ATG4C: variants seen among roughly 807,000 people sequenced by gnomAD.
ATG4C encodes the protein autophagy related 4C cysteine peptidase, also known as cysteine protease ATG4C.
Under a neutral mutation model 57.6 loss-of-function variants are expected in ATG4C, and 56 were observed. The ratio of observed to expected loss-of-function variants is 0.97; its 90% confidence interval spans 0.78 to 1.21. The LOEUF (loss-of-function observed/expected upper bound fraction) is 1.21, where lower values mean the gene tolerates loss of function less well. Among genes scored for constraint, ATG4C ranks in the 50% most tolerant of loss-of-function variants. The pLI, the probability that ATG4C is intolerant of heterozygous loss-of-function variation, is 0.00. For synonymous variants in ATG4C, 157 were observed against 174.1 expected, an observed-to-expected ratio of 0.90 and a Z score of 0.78; for missense variants, 595 against 529.8, an observed-to-expected ratio of 1.12 and a Z score of -1.21.
In ATG4C at chr1:62,831,288, G is replaced by A. The variant is rs114712561; in HGVS notation, c.933+2112G>A. Among the ~76,000 whole-genome samples the A allele has an allele frequency of 5.6e-3, 848 of 152,262 alleles. 6 individuals carry two copies. The highest frequency in any genetic ancestry group is 0.02 in the African/African-American group (817 of 41,568). ...GAGCATGTAAAGAGGTATTCACTTA[G>A]AAGTGAAAAGGTAGTGTGTTCATTA... On this transcript the variant is annotated intron_variant, in intron 7 of 10. Coordinates refer to ENST00000317868, the MANE Select transcript of ATG4C (RefSeq NM_032852.4).
intron 7 of ATG4C, 61 bp from the exon 8 acceptor site, chr1:62,833,977 G>C: frequency 4.2e-6 from 6 of 1,424,684 alleles, no homozygotes; most frequent in Non-Finnish European, 5.8e-6. Context: ...ATAGAAATTT[G>C]TTTGCTTTGA....
Position 62,829,167 on chromosome 1 carries a change from AT to A in ATG4C, c.927del (p.Phe309LeufsTer2). 1 of 1,612,580 alleles carries A rather than the reference AT, an allele frequency of 6.2e-7. No homozygotes were observed. Among genetic ancestry groups the A allele is most frequent in the Non-Finnish European group, 8.5e-7 (1 of 1,179,130 alleles). On this transcript the variant is annotated frameshift_variant, in exon 7 of 11. Transcript: ENST00000317868. LOFTEE classifies it high-confidence loss of function. ...GERTNTDYLE[F>X]VKGILSLEYC... ...AAAGAACCAACACCGACTACTTAGA[AT>A]TTGTGAAGGTATGAAATAAGTGCTG...
chr1:62,789,993 C>A (rs1270642371), intron 1 of ATG4C, among the ~76,000 whole-genome samples: 1 of 151,838 alleles, frequency 6.6e-6, no homozygotes, highest in Non-Finnish European at 1.5e-5. Context: ...TGGCTCACCG[C>A]AACCTCTGCC....
rs1666541011 is a variant in ATG4C, at chr1:62,852,308, T to C, written c.1209+10761T>C. ...ACTGGAGAACTTGGAGTAACCTCCT[T>C]ACACAGGCATGAGGAGAATATGCAA... On this transcript the variant is annotated intron_variant, in intron 10 of 10. Transcript: ENST00000317868. Among the ~76,000 whole-genome samples, 4 of 152,132 alleles carry C rather than the reference T, an allele frequency of 2.6e-5. No homozygotes were observed. In the South Asian group the frequency reaches 8.3e-4, roughly 32 times the overall value.
At chr1:62,838,780 C>CAA (rs370604319) in intron 9 of ATG4C, among the ~76,000 whole-genome samples, 6 of 84,138 alleles carry the variant, frequency 7.1e-5, no homozygotes, top group Admixed American at 1.3e-4. Context: ...AACTTCATCT[C>CAA]AAAAAAAAAA....
At chr1:62,828,420 A>G (rs1236751309) in intron 6 of ATG4C, among the ~76,000 whole-genome samples, 1 of 152,018 alleles carries the variant, frequency 6.6e-6, no homozygotes, top group Admixed American at 6.6e-5. Context: ...AGCTTTTTTT[A>G]ATACGCTTAT....
At chr1:62,813,274 A>G (rs1018246446) in intron 3 of ATG4C, among the ~76,000 whole-genome samples, 2 of 152,114 alleles carry the variant, frequency 1.3e-5, no homozygotes, top group African/African-American at 4.8e-5. Flanking sequence ...GGAACAGAAC[A>G]GAGGCCTCAG....
In ATG4C at chr1:62,803,725, TA is replaced by T; in HGVS notation, c.-58del. On this transcript the variant is annotated 5_prime_UTR_variant, in exon 2 of 11. Coordinates refer to ENST00000317868, the MANE Select transcript of ATG4C (RefSeq NM_032852.4). ...TTTTCCTTAATTTTTAAAGTCAGTA[TA>T]AAAGATTAAACTCTACAGAAGAATG... 2 of 1,190,874 alleles carry T rather than the reference TA, an allele frequency of 1.7e-6. No homozygotes were observed. Among genetic ancestry groups the T allele is most frequent in the African/African-American group, 1.6e-5 (1 of 64,436 alleles). The allele number at this position is 1,190,874 out of a possible 1,614,324, so 73.8% of individuals were successfully genotyped here. A position where few individuals can be genotyped will look rare whatever the true frequency, so the allele number is the denominator to read the frequency against.
chr1:62,842,782 A>G (rs536911338), intron 10 of ATG4C, among the ~76,000 whole-genome samples: 1 of 152,264 alleles, frequency 6.6e-6, no homozygotes, highest in East Asian at 1.9e-4. Context: ...ATATGTGGGA[A>G]CCATTCCATA....
chr1:62,818,886 A>G (rs1665372463), intron 4 of ATG4C, 119 bp from the exon 5 acceptor site: 2 of 764,678 alleles, frequency 2.6e-6, no homozygotes, highest in Admixed American at 6.5e-5. Flanking sequence ...GTATTTACCT[A>G]TTTTTGAATT....
At chr1:62,852,181 C>T (rs1056752631) in intron 10 of ATG4C, among the ~76,000 whole-genome samples, 6 of 152,158 alleles carry the variant, frequency 3.9e-5, no homozygotes, top group Admixed American at 6.5e-5. Context: ...GGAAGCTACC[C>T]GGAGTAAGGT....
intron 10 of ATG4C, among the ~76,000 whole-genome samples, chr1:62,854,056 C>T (rs541477926): frequency 6.6e-6 from 1 of 151,934 alleles, no homozygotes; most frequent in East Asian, 1.9e-4. Flanking sequence ...AGGATGCTTA[C>T]ATTTTTAGTT....
At chr1:62,856,697 A>G (rs1418747753) in intron 10 of ATG4C, among the ~76,000 whole-genome samples, 3 of 152,192 alleles carry the variant, frequency 2.0e-5, no homozygotes, top group Non-Finnish European at 4.4e-5. Context: ...GGAGAAGGGA[A>G]TAATCACTGT....
In ATG4C at chr1:62,819,044, ACT is replaced by A. The variant is rs752631720; in HGVS notation, c.437_438del (p.Ser146Ter). 5.7e-6 allele frequency: 9 copies of A among 1,585,492 alleles called. No homozygotes were observed. In the African/African-American group the frequency reaches 8.1e-5, roughly 14 times the overall value. On this transcript the variant is annotated frameshift_variant, in exon 5 of 11. Transcript: ENST00000317868. LOFTEE classifies it high-confidence loss of function. ...GATGCTTTGAATATTGAAAATTCAG[ACT>A]CTGAATCATGGACTTCCCACACTGT...
chr1:62,832,905 G>C (rs904803650), intron 7 of ATG4C, among the ~76,000 whole-genome samples: 1 of 152,120 alleles, frequency 6.6e-6, no homozygotes, highest in East Asian at 1.9e-4. Context: ...GCAACAAAAG[G>C]TTACAATGGC....
chr1:62,839,510 C>T (rs956282409), intron 9 of ATG4C, among the ~76,000 whole-genome samples: 5 of 152,128 alleles, frequency 3.3e-5, no homozygotes, highest in African/African-American at 4.8e-5. Context: ...GATTGTCTTT[C>T]GAATGAGCTG....
At chr1:62,859,499 G>A (rs1001667604) in intron 10 of ATG4C, among the ~76,000 whole-genome samples, 2 of 152,162 alleles carry the variant, frequency 1.3e-5, no homozygotes, top group African/African-American at 4.8e-5. Context: ...GTGTACCTGT[G>A]TAGGGAATTT....
At chr1:62,828,335 T>C (rs768811248) in intron 6 of ATG4C, among the ~76,000 whole-genome samples, 1 of 152,234 alleles carries the variant, frequency 6.6e-6, no homozygotes, top group South Asian at 2.1e-4. Flanking sequence ...TTTTTAATAA[T>C]AGCCATTCTG....
At chr1:62,804,515 A>T (rs1461802755) in intron 2 of ATG4C, among the ~76,000 whole-genome samples, 1 of 151,896 alleles carries the variant, frequency 6.6e-6, no homozygotes, top group African/African-American at 2.4e-5. Flanking sequence ...GGCTTTTCAG[A>T]TACAATTTCA....
Sources: allele counts gnomAD v4.1 joint callset (sites outside exome capture counted in the v4.1 genomes callset), GRCh38; gene constraint gnomAD v4.1.1; transcripts MANE v1.5; gene names NCBI Gene and HGNC (gene_info 2026-07-23, HGNC 2026-07-21).